Variants in ZBTB41 observed in about 807,000 individuals in gnomAD.
The protein encoded by ZBTB41 is zinc finger and BTB domain containing 41, also known as zinc finger and BTB domain-containing protein 41.
In ZBTB41, 42 loss-of-function variants were observed where a neutral mutation model predicts 87.6. That is an observed-to-expected ratio of 0.48 (90% confidence interval 0.37 to 0.62). The LOEUF is 0.62. ZBTB41 is among the 20% of genes least tolerant of loss of function. ZBTB41 has a pLI of 0.00. For synonymous variants in ZBTB41, 364 were observed against 364.0 expected, an observed-to-expected ratio of 1.00 and a Z score of 0.00; for missense variants, 799 against 1,078.9, an observed-to-expected ratio of 0.74 and a Z score of 3.63.
intron 9 of ZBTB41, 71 bp from the exon 10 acceptor site, chr1:197,172,319 AATT>A (rs1181437777): frequency 5.3e-5 from 21 of 394,388 alleles, no homozygotes; most frequent in Non-Finnish European, 7.8e-5. Flanking sequence ...CAATATTAAT[AATT>A]ATATTAATAA....
intron 4 of ZBTB41, among the ~76,000 whole-genome samples, 181 bp from the exon 5 acceptor site, chr1:197,188,620 AT>A (rs1157115341): frequency 6.6e-6 from 1 of 152,210 alleles, no homozygotes; most frequent in Non-Finnish European, 1.5e-5. Flanking sequence ...GAAGTAAGGA[AT>A]GATTTTAAAT....
intron 7 of ZBTB41, among the ~76,000 whole-genome samples, chr1:197,177,428 A>G (rs1157969132): frequency 6.6e-6 from 1 of 152,098 alleles, no homozygotes; most frequent in African/African-American, 2.4e-5. Context: ...TTTTCTTTGT[A>G]AGTTACCCAG....
intron 10 of ZBTB41, among the ~76,000 whole-genome samples, chr1:197,165,479 A>G (rs1014236210): frequency 7.2e-5 from 11 of 151,766 alleles, no homozygotes; most frequent in African/African-American, 1.5e-4. Flanking sequence ...GCATGGTGGC[A>G]GGCGCCTGTA....
intron 10 of ZBTB41, among the ~76,000 whole-genome samples, chr1:197,164,105 C>A (rs1272338542): frequency 6.6e-6 from 1 of 151,896 alleles, no homozygotes; most frequent in Non-Finnish European, 1.5e-5. Flanking sequence ...TAAATACATA[C>A]AATATATAAC....
At position 197,199,585 on chromosome 1, in the gene ZBTB41, C is replaced by T; in HGVS notation, c.889G>A (p.Asp297Asn). The T allele has an allele frequency of 6.2e-7, 1 of 1,608,736 alleles. No homozygotes were observed. Among genetic ancestry groups the T allele is most frequent in the East Asian group, 2.2e-5 (1 of 44,848 alleles). ...KEKSDRNDSEDPGSEYNAEED... is the reference protein window; with the variant it reads ...KEKSDRNDSENPGSEYNAEED... ...TCAGCATTATATTCACTTCCAGGGT[C>T]CTCAGAATCATTTCTATCTGACTTT... Residue 297 changes from aspartate (D) to asparagine (N), a missense_variant, in exon 2 of 11, where the codon GAC (aspartate) becomes AAC (asparagine). Asp to Asn is a conservative substitution (Grantham distance 23). Around this residue, in one of 5 missense-constraint regions of ZBTB41, gnomAD observed 294 missense variants for 340.1 expected, o/e 0.86. Transcript: ENST00000367405.
At chr1:197,178,347 A>G in intron 7 of ZBTB41, 70 bp downstream of exon 7, 1 of 1,101,050 alleles carries the variant, frequency 9.1e-7, no homozygotes, top group Non-Finnish European at 1.3e-6. Flanking sequence ...ACAAAGTAAT[A>G]AGAAAATAGA....
intron 8 of ZBTB41, 101 bp from the exon 9 acceptor site, chr1:197,175,216 A>G: frequency 4.2e-6 from 4 of 945,926 alleles, no homozygotes; most frequent in Non-Finnish European, 6.1e-6. Flanking sequence ...TGTCAAATAT[A>G]ACAGGAAAGT....
intron 2 of ZBTB41, 32 bp from the exon 3 acceptor site, chr1:197,191,931 A>C: frequency 1.3e-6 from 2 of 1,512,840 alleles, no homozygotes; most frequent in East Asian, 2.5e-5. Context: ...AATTAAATTT[A>C]GTACATTTGC....
Position 197,199,449 on chromosome 1 carries a change from C to T in ZBTB41, c.1025G>A (p.Gly342Glu), listed in dbSNP as rs144516004. Residue 342 changes from glycine to glutamate, a missense_variant, in exon 2 of 11, where the codon GGA becomes GAA. By Grantham distance (98) the Gly-to-Glu change is moderately conservative. This residue lies in a region of ZBTB41 where 294 missense variants were observed against 340.1 expected (regional missense o/e 0.86). Transcript: ENST00000367405. ...TGGAGTTAACCCCTCATGAACATTT[C>T]CTACAGAATCACCAGCCTCAGGTTC... ...EEEPEAGDSV[G>E]NVHEGLTPVV... 286 of 1,612,634 alleles carry T rather than the reference C, an allele frequency of 1.8e-4. No individual in the cohort carries two copies. The highest frequency in any genetic ancestry group is 1.2e-5 in the Non-Finnish European group (14 of 1,179,592).
At chr1:197,172,282 T>C (rs1427728206) in intron 9 of ZBTB41, 34 bp from the exon 10 acceptor site, 4 of 729,858 alleles carry the variant, frequency 5.5e-6, no homozygotes, top group Non-Finnish European at 7.9e-6. Flanking sequence ...TTTTTCAATA[T>C]AATTTTAATA....
intron 8 of ZBTB41, among the ~76,000 whole-genome samples, chr1:197,175,431 A>AATATATACATATATATATATATATAT: frequency 1.4e-5 from 1 of 71,594 alleles, no homozygotes; most frequent in African/African-American, 4.0e-5. Flanking sequence ...AGGAATTTTA[A>AATATATACATATATATATATATATAT]ATATATATAT....
At chr1:197,164,527 A>G (rs1659269559) in intron 10 of ZBTB41, among the ~76,000 whole-genome samples, 1 of 151,372 alleles carries the variant, frequency 6.6e-6, no homozygotes, top group Non-Finnish European at 1.5e-5. Flanking sequence ...AAGTCCAAAG[A>G]AGGCTTGGAA....
chr1:197,184,278 G>T (rs1659828839), intron 5 of ZBTB41, among the ~76,000 whole-genome samples: 1 of 152,162 alleles, frequency 6.6e-6, no homozygotes, highest in African/African-American at 2.4e-5. Flanking sequence ...ACTTAGTAAA[G>T]GCAATTTGGA....
rs541427542 is a variant in ZBTB41, at chr1:197,155,401, A to C, written c.*3958T>G. The stretch of plus-strand genomic sequence containing the variant: ...AAAATAAAAATCTATTAATCAGTAC[A>C]ATCTAGCCAGCAGAATCAACTCTAA... On this transcript the variant is annotated 3_prime_UTR_variant, in exon 11 of 11. Transcript: ENST00000367405. The C allele has an allele frequency of 3.3e-5, 5 of 152,378 alleles. No homozygotes were observed. Among genetic ancestry groups the C allele is most frequent in the African/African-American group, 1.2e-4 (5 of 41,538 alleles). The allele number at this position is 152,378 out of a possible 1,614,324, so 9.4% of individuals were successfully genotyped here. A position where few individuals can be genotyped will look rare whatever the true frequency, so the allele number is the denominator to read the frequency against.
In ZBTB41 at chr1:197,159,731, G is replaced by C. The variant is rs563096044; in HGVS notation, c.2358C>G (p.Asp786Glu). The stretch of plus-strand genomic sequence containing the variant: ...CTTCCGACTGATAAACTTTGGGCTG[G>C]TCCATATATTGTTTTGTTTCTGTTT... Reference protein sequence around the residue: ...IFQTETKQYMDQPKVYQSEAK... With the variant: ...IFQTETKQYMEQPKVYQSEAK... The change falls in exon 11 of 11, where the codon GAC (aspartate) becomes GAG (glutamate). Residue 786 changes from aspartate (D) to glutamate (E), a missense_variant. Asp to Glu is a conservative substitution (Grantham distance 45). Coordinates refer to ENST00000367405, the MANE Select transcript of ZBTB41 (RefSeq NM_194314.3). 62 of 1,613,952 alleles carry C rather than the reference G, an allele frequency of 3.8e-5. No homozygotes were observed. In the South Asian group the frequency reaches 6.4e-4, roughly 17 times the overall value.
intron 1 of ZBTB41, among the ~76,000 whole-genome samples, chr1:197,200,829 A>G (rs1652745123): frequency 1.3e-5 from 2 of 152,358 alleles, no homozygotes; most frequent in Non-Finnish European, 2.9e-5. Context: ...CTGATTCACG[A>G]ACAGGGTGAA....
At position 197,200,410 on chromosome 1, in the gene ZBTB41, A is replaced by G; in HGVS notation, c.64T>C (p.Ser22Pro). Residue 22 changes from serine to proline, a missense_variant, in exon 2 of 11, where the codon TCT becomes CCT. By Grantham distance (74) the Ser-to-Pro change is moderately conservative. Transcript: ENST00000367405. ...EKIHLGYHKD[S>P]SEGNVAVECD... The stretch of plus-strand genomic sequence containing the variant: ...TCCACTGCAACATTTCCTTCTGAAG[A>G]ATCTTTATGATAGCCTAGATGGATC... 6.2e-7 allele frequency: 1 copy of G among 1,612,984 alleles called. No individual in the cohort carries two copies. Among genetic ancestry groups the G allele is most frequent in the Non-Finnish European group, 8.5e-7 (1 of 1,179,758 alleles).
intron 10 of ZBTB41, among the ~76,000 whole-genome samples, chr1:197,161,870 G>A (rs1250471994): frequency 1.3e-5 from 2 of 151,014 alleles, no homozygotes. Flanking sequence ...ATAAGAACAC[G>A]ACCACAGCAA....
intron 10 of ZBTB41, 38 bp from the exon 11 acceptor site, chr1:197,160,052 G>A: frequency 6.6e-7 from 1 of 1,523,840 alleles, no homozygotes; most frequent in Non-Finnish European, 9.0e-7. Context: ...GATGTAAAAT[G>A]TACTCAACTT....
Sources: gnomAD v4.1 joint callset for allele counts (sites outside exome capture counted in the v4.1 genomes callset) on GRCh38, gnomAD v4.1.1 for gene constraint, gnomAD v4.1.1 regional missense constraint, MANE v1.5 for transcripts, NCBI Gene and HGNC (gene_info 2026-07-23, HGNC 2026-07-21) for gene names.